ESF1: variants seen among roughly 807,000 people sequenced by gnomAD.
The protein encoded by ESF1 is ESF1 homolog.
A neutral mutation model predicts 92.0 loss-of-function variants in ESF1; 58 were observed. That is an observed-to-expected ratio of 0.63 (90% CI 0.51 to 0.78). ESF1 has a LOEUF of 0.78. Among genes scored for constraint, ESF1 ranks in the 30% least tolerant of loss-of-function variants. ESF1 has a pLI of 0.00. For synonymous variants in ESF1, 321 were observed against 313.7 expected, an observed-to-expected ratio of 1.02 and a Z score of -0.24; for missense variants, 922 against 989.1, an observed-to-expected ratio of 0.93 and a Z score of 0.91.
chr20:13,742,830 T>TA (rs2050024256), intron 9 of ESF1, among the ~76,000 whole-genome samples: 1 of 152,134 alleles, frequency 6.6e-6, no homozygotes, highest in Non-Finnish European at 1.5e-5. Context: ...TATGTGCAAA[T>TA]ACCACCACAA....
At chr20:13,731,701 C>T (rs959919029) in intron 10 of ESF1, among the ~76,000 whole-genome samples, 10 of 152,172 alleles carry the variant, frequency 6.6e-5, no homozygotes, top group Non-Finnish European at 1.2e-4. Context: ...AGTTCCTTAG[C>T]CCTTGCTATA....
At chr20:13,784,831 CT>C (rs1980600888) in intron 1 of ESF1, 48 bp downstream of exon 1, 1 of 579,768 alleles carries the variant, frequency 1.7e-6, no homozygotes, top group East Asian at 2.9e-5. Context: ...CACACACGCC[CT>C]CAAGCCCTTC....
rs1979993638 is a variant in ESF1 at position 13,777,412 on chromosome 20, G to A, written c.638-1142C>T. On this transcript the variant is annotated intron_variant, in intron 2 of 13. Coordinates refer to ENST00000617257, the MANE Select transcript of ESF1 (RefSeq NM_001276380.2). Reference sequence around the variant, plus strand: ...AGTTTGTTTGGTGGAGGGAAATCATGAGTTCAGTTTTGAATATGTTGAATA... The same window carrying A: ...AGTTTGTTTGGTGGAGGGAAATCATAAGTTCAGTTTTGAATATGTTGAATA... Among the ~76,000 whole-genome samples the A allele has an allele frequency of 2.6e-5, 4 of 152,242 alleles. No homozygotes were observed. The South Asian group carries it at 8.3e-4, about 32-fold the overall frequency.
chr20:13,750,548 C>T (rs1023347339), intron 9 of ESF1, among the ~76,000 whole-genome samples: 5 of 152,118 alleles, frequency 3.3e-5, no homozygotes, highest in African/African-American at 9.7e-5. Context: ...TACTTACACC[C>T]TATCCTTTAC....
At chr20:13,725,826 C>T (rs1390239810) in intron 11 of ESF1, among the ~76,000 whole-genome samples, 1 of 152,302 alleles carries the variant, frequency 6.6e-6, no homozygotes, top group East Asian at 1.9e-4. Context: ...ACTTATATCT[C>T]AATATCAACC....
At chr20:13,754,318 T>C (rs539387731) in intron 9 of ESF1, among the ~76,000 whole-genome samples, 1 of 152,224 alleles carries the variant, frequency 6.6e-6, no homozygotes, top group South Asian at 2.1e-4. Context: ...GCTTCTCTGA[T>C]AGCCTCTCCA....
intron 9 of ESF1, among the ~76,000 whole-genome samples, chr20:13,743,610 G>A (rs535714712): frequency 2.6e-5 from 4 of 152,238 alleles, no homozygotes; most frequent in African/African-American, 4.8e-5. Flanking sequence ...TATTATGTTC[G>A]GTGAAGGCAG....
intron 9 of ESF1, among the ~76,000 whole-genome samples, chr20:13,752,398 G>C (rs1978679233): frequency 1.3e-5 from 2 of 152,100 alleles, no homozygotes. Context: ...AATTCTTTTA[G>C]CTTATTTTTA....
At chr20:13,719,010 T>A in intron 11 of ESF1, 26 bp from the exon 12 acceptor site, 1 of 1,548,188 alleles carries the variant, frequency 6.5e-7, no homozygotes, top group Non-Finnish European at 8.7e-7. Flanking sequence ...AACATAAGAG[T>A]GGTAAAAATT....
chr20:13,718,815 T>C, intron 12 of ESF1, 93 bp downstream of exon 12: 3 of 808,856 alleles, frequency 3.7e-6, no homozygotes, highest in Non-Finnish European at 5.3e-6. Flanking sequence ...ACTGCTAAAA[T>C]AAGTTGTTTT....
chr20:13,766,972 A>G (rs1446823320), intron 7 of ESF1, 48 bp from the exon 8 acceptor site: 1 of 1,580,670 alleles, frequency 6.3e-7, no homozygotes, highest in Non-Finnish European at 8.6e-7. Flanking sequence ...TGGAAATGTC[A>G]GCTCAAACTT....
At chr20:13,771,146 T>A (rs985117256) in intron 6 of ESF1, among the ~76,000 whole-genome samples, 185 bp downstream of exon 6, 1 of 152,226 alleles carries the variant, frequency 6.6e-6, no homozygotes, top group Non-Finnish European at 1.5e-5. Flanking sequence ...GATTCATACA[T>A]AATACTTTAG....
rs545028828 is a variant in ESF1, at chr20:13,780,197, C to A, written c.637+2307G>T. 2.4e-4 allele frequency among the ~76,000 whole-genome samples: 37 copies of A among 152,278 alleles called. No individual in the cohort carries two copies. In the South Asian group the frequency reaches 4.2e-3, roughly 17 times the overall value. On this transcript the variant is annotated intron_variant, in intron 2 of 13. Coordinates refer to ENST00000617257, the MANE Select transcript of ESF1 (RefSeq NM_001276380.2). ...AGTTGCAGTTCCAGGTCTGCATGTC[C>A]TTACATAAGTCACTTTAATCTTGTT...
chr20:13,773,462 T>C (rs1979780632), intron 4 of ESF1, among the ~76,000 whole-genome samples: 1 of 152,134 alleles, frequency 6.6e-6, no homozygotes, highest in Admixed American at 6.6e-5. Context: ...TTAAATTGTT[T>C]CTTTGGCTTG....
At chr20:13,743,441 C>T (rs6042329) in intron 9 of ESF1, among the ~76,000 whole-genome samples, 23,334 of 152,144 alleles carry the variant, frequency 0.15, 2,257 homozygotes, top group East Asian at 0.42. Context: ...ATGTTCATTG[C>T]AGCATTATTC....
At chr20:13,749,796 A>T (rs894733714) in intron 9 of ESF1, among the ~76,000 whole-genome samples, 2 of 151,196 alleles carry the variant, frequency 1.3e-5, no homozygotes, top group Non-Finnish European at 3.0e-5. Flanking sequence ...CTAACTTCTG[A>T]CCTCAGGTGA....
chr20:13,718,810 T>A (rs1348327449), intron 12 of ESF1, 98 bp downstream of exon 12: 3 of 769,920 alleles, frequency 3.9e-6, no homozygotes, highest in Non-Finnish European at 1.9e-6. Flanking sequence ...ATGCCACTGC[T>A]AAAATAAGTT....
At chr20:13,770,599 A>G (rs1158961162) in intron 6 of ESF1, among the ~76,000 whole-genome samples, 2 of 152,176 alleles carry the variant, frequency 1.3e-5, no homozygotes, top group Non-Finnish European at 2.9e-5. Flanking sequence ...CTTCCTGCCT[A>G]GGCCTCCCAA....
At chr20:13,754,150 T>C (rs973557466) in intron 9 of ESF1, among the ~76,000 whole-genome samples, 1 of 152,260 alleles carries the variant, frequency 6.6e-6, no homozygotes, top group Admixed American at 6.5e-5. Flanking sequence ...ACTACTTTCA[T>C]CCCCCATCAT....
Sources: gnomAD v4.1 joint callset for allele counts (sites outside exome capture counted in the v4.1 genomes callset) on GRCh38, gnomAD v4.1.1 for gene constraint, MANE v1.5 for transcripts, NCBI Gene and HGNC (gene_info 2026-07-23, HGNC 2026-07-21) for gene names.